The following PCDHGA6 variants were observed in gnomAD, a reference collection of about 807,000 sequenced individuals.
PCDHGA6 encodes protocadherin gamma-A6.
A neutral mutation model predicts 60.6 loss-of-function variants in PCDHGA6; 41 were observed. The observed-to-expected ratio is 0.68, with a 90% CI of 0.53 to 0.88. The LOEUF (loss-of-function observed/expected upper bound fraction) is 0.88, where lower values mean the gene tolerates loss of function less well. Among genes scored for constraint, PCDHGA6 ranks in the 40% least tolerant of loss-of-function variants. The pLI, the probability that PCDHGA6 is intolerant of heterozygous loss-of-function variation, is 0.00. For missense variants in PCDHGA6, 1,312 were observed against 1,203.0 expected (o/e 1.09, Z -1.34); for synonymous variants, 594 against 524.4 (o/e 1.13, Z -1.81).
In PCDHGA6 at chr5:141,488,647, T is replaced by TG. The variant is rs535492979; in HGVS notation, c.2425-6155dup. ...CTCACCTTAGCAGCATTCAGCAGGA[T>TG]GGGGGAGGGTGGGGGAATACATGGG... On this transcript the variant is annotated intron_variant, in intron 1 of 3. Transcript: ENST00000517434. Among the ~76,000 whole-genome samples, 173 of 152,088 alleles carry TG rather than the reference T, an allele frequency of 1.1e-3. 1 individual carries two copies. Among genetic ancestry groups the TG allele is most frequent in the African/African-American group, 3.9e-3 (160 of 41,492 alleles).
intron 3 of PCDHGA6, among the ~76,000 whole-genome samples, chr5:141,506,621 G>A (rs143369587): frequency 1.3e-5 from 2 of 152,178 alleles, no homozygotes; most frequent in African/African-American, 4.8e-5. Flanking sequence ...GTGTTACCAG[G>A]GCCAAATGCA....
intron 1 of PCDHGA6, chr5:141,382,952 T>C (rs781221322): frequency 6.2e-7 from 1 of 1,601,438 alleles, no homozygotes; most frequent in Non-Finnish European, 8.5e-7. Context: ...CTGCTCTCCA[T>C]CCTCCTGGGG....
At chr5:141,414,949 G>C (rs774769957) in intron 1 of PCDHGA6, 13 of 1,613,978 alleles carry the variant, frequency 8.1e-6, no homozygotes, top group African/African-American at 1.3e-5. Context: ...CGGCTACCTG[G>C]TGACCAAGGT....
In PCDHGA6 at chr5:141,374,812, T is replaced by C; in HGVS notation, c.729T>C (p.Thr243=). The change falls in exon 1 of 4, where the codon ACT becomes ACC. Residue 243 remains threonine, a synonymous_variant. Transcript: ENST00000517434. ...LDVNDNTPMF[T]QPVYRVSVPE... ...TGAATGACAACACTCCAATGTTTACTCAGCCTGTCTACCGTGTAAGTGTTC... is the reference window on the plus strand; with the variant it reads ...TGAATGACAACACTCCAATGTTTACCCAGCCTGTCTACCGTGTAAGTGTTC... 6.2e-7 allele frequency: 1 copy of C among 1,613,998 alleles called. No homozygotes were observed. Among genetic ancestry groups the C allele is most frequent in the Non-Finnish European group, 8.5e-7 (1 of 1,179,888 alleles).
chr5:141,374,202 A>G lies in PCDHGA6; in HGVS notation c.119A>G (p.Glu40Gly). Residue 40 changes from glutamate (E) to glycine (G), a missense_variant, in exon 1 of 4, where the codon GAG becomes GGG. Physicochemically the swap from Glu to Gly is moderately conservative, Grantham distance 98. Transcript: ENST00000517434. ...CGCTACTCTATTCCCGAGGAGCTGG[A>G]GAAAGGCTCCTTCGTAGGCAACATC... ...QIRYSIPEEL[E>G]KGSFVGNIVK... 6.2e-7 allele frequency: 1 copy of G among 1,613,868 alleles called. No homozygotes were observed. The highest frequency in any genetic ancestry group is 8.5e-7 in the Non-Finnish European group (1 of 1,179,888).
chr5:141,422,997 C>G, intron 1 of PCDHGA6: 1 of 1,614,218 alleles, frequency 6.2e-7, no homozygotes, highest in South Asian at 1.1e-5. Flanking sequence ...ACCTGGTGAC[C>G]AAGGTGGTTG....
intron 1 of PCDHGA6, chr5:141,398,687 A>T (rs940121215): frequency 1.9e-6 from 3 of 1,613,940 alleles, no homozygotes; most frequent in Non-Finnish European, 2.5e-6. Context: ...GAGAAACAGG[A>T]TGGTAGTAAA....
At chr5:141,405,672 G>C (rs755545370) in intron 1 of PCDHGA6, among the ~76,000 whole-genome samples, 3 of 152,024 alleles carry the variant, frequency 2.0e-5, no homozygotes, top group Non-Finnish European at 4.4e-5. Flanking sequence ...GAGACGGGGT[G>C]TCACCATGTT....
chr5:141,376,654 C>A, intron 1 of PCDHGA6, 147 bp downstream of exon 1: 1 of 932,252 alleles, frequency 1.1e-6, no homozygotes, highest in Non-Finnish European at 1.6e-6. Context: ...GTGGAAGACT[C>A]CCTTGTTCAG....
In PCDHGA6 at chr5:141,493,307, AAG is replaced by A. The variant is rs2099747490; in HGVS notation, c.2425-1494_2425-1493del. Among the ~76,000 whole-genome samples, 1 of 152,234 alleles carries A rather than the reference AAG, an allele frequency of 6.6e-6. No homozygotes were observed. Among genetic ancestry groups the A allele is most frequent in the South Asian group, 2.1e-4 (1 of 4,832 alleles). ...ACTTGCTCAAGTTCACAGAGCAAGT[AAG>A]AGAGATTCTAACCCCTGTCTAACTC... On this transcript the variant is annotated intron_variant, in intron 1 of 3. Transcript: ENST00000517434. This position sits in a 1 kb window ranked among gnomAD's most constrained non-coding sequence, Gnocchi z 4.3.
intron 1 of PCDHGA6, chr5:141,430,944 G>T: frequency 1.2e-6 from 2 of 1,609,214 alleles, no homozygotes; most frequent in Non-Finnish European, 1.7e-6. Flanking sequence ...CTCGCGGAGC[G>T]CGGAGTCCGC....
intron 1 of PCDHGA6, chr5:141,408,935 G>C (rs773802276): frequency 6.2e-7 from 1 of 1,613,472 alleles, no homozygotes; most frequent in Non-Finnish European, 8.5e-7. Context: ...TTTCAGCAGA[G>C]ACGAATATAG....
intron 1 of PCDHGA6, among the ~76,000 whole-genome samples, chr5:141,464,888 GCCACCATGT>G (rs1351812446): frequency 6.6e-6 from 1 of 152,000 alleles, no homozygotes; most frequent in East Asian, 1.9e-4. Context: ...ACAGATGGAT[GCCACCATGT>G]CCAGCTAATT....
intron 1 of PCDHGA6, among the ~76,000 whole-genome samples, chr5:141,473,706 G>C (rs1241009670): frequency 6.6e-6 from 1 of 152,186 alleles, no homozygotes; most frequent in African/African-American, 2.4e-5. Context: ...CCTCCAAGTG[G>C]TGCAATGGAA....
intron 1 of PCDHGA6, among the ~76,000 whole-genome samples, chr5:141,483,203 A>G (rs940487337): frequency 6.6e-6 from 1 of 152,204 alleles, no homozygotes; most frequent in Admixed American, 6.5e-5. Flanking sequence ...ATTTTATTCC[A>G]TATAGATGAC....
In PCDHGA6 at chr5:141,491,722, C is replaced by T. The variant is rs1276921909; in HGVS notation, c.2425-3085C>T. ...CCAGGTGAGGGGCTCGGCGCCGCCC[C>T]GGGCGACCCCTGGGGGCGGCACTGG... On this transcript the variant is annotated intron_variant, in intron 1 of 3. Coordinates refer to ENST00000517434, the MANE Select transcript of PCDHGA6 (RefSeq NM_018919.3). This position sits in a 1 kb window ranked among gnomAD's most constrained non-coding sequence, Gnocchi z 6.9. The T allele has an allele frequency of 6.2e-7, 1 of 1,607,004 alleles. No homozygotes were observed.
chr5:141,403,044 T>C lies in PCDHGA6; in HGVS notation c.2424+26537T>C, dbSNP rs914251787. 7 of 1,613,960 alleles carry C rather than the reference T, an allele frequency of 4.3e-6. No individual in the cohort carries two copies. The Admixed American group carries it at 8.3e-5, about 19-fold the overall frequency. ...CTATGGGAGGCCAGGGCCAGTCAGA[T>C]TCGCTACTCAGTGCCTGAAGAGACA... is the stretch of plus-strand genomic sequence containing the variant. On this transcript the variant is annotated intron_variant, in intron 1 of 3. Transcript: ENST00000517434.
chr5:141,394,803 G>A lies in PCDHGA6; in HGVS notation c.2424+18296G>A, dbSNP rs143444747. The A allele has an allele frequency of 2.5e-6, 4 of 1,613,844 alleles. No homozygotes were observed. In the African/African-American group the frequency reaches 4.0e-5, roughly 16 times the overall value. On this transcript the variant is annotated intron_variant, in intron 1 of 3. Coordinates refer to ENST00000517434, the MANE Select transcript of PCDHGA6 (RefSeq NM_018919.3). Reference sequence around the variant, plus strand: ...CGCCACTGTCACGCTCACCGTAGCCGTGGCTGACAGCATCCCCGAAGTCCT... The same window carrying A: ...CGCCACTGTCACGCTCACCGTAGCCATGGCTGACAGCATCCCCGAAGTCCT...
At chr5:141,424,776 A>C (rs1406581367) in intron 1 of PCDHGA6, 2 of 152,154 alleles carry the variant, frequency 1.3e-5, no homozygotes, top group African/African-American at 4.8e-5. Context: ...CAAATAGTAC[A>C]TTCAGTTCTT....
Sources: allele counts gnomAD v4.1 joint callset (sites outside exome capture counted in the v4.1 genomes callset), GRCh38; gene constraint gnomAD v4.1.1; non-coding constraint Gnocchi (gnomAD v3.1); transcripts MANE v1.5; gene names NCBI Gene and HGNC (gene_info 2026-07-23, HGNC 2026-07-21).